Variants in SREK1 observed in about 807,000 individuals in gnomAD.
SREK1 encodes splicing regulatory glutamic acid and lysine rich protein 1.
Under a neutral mutation model 66.5 loss-of-function variants are expected in SREK1, and 13 were observed. That is an observed-to-expected ratio of 0.20 (90% CI 0.13 to 0.31). The LOEUF (loss-of-function observed/expected upper bound fraction) is 0.31. Among genes scored for constraint, SREK1 ranks in the 10% least tolerant of loss-of-function variants. SREK1 has a pLI of 1.00. For synonymous variants in SREK1, 265 were observed against 263.5 expected, an observed-to-expected ratio of 1.01 and a Z score of -0.05; for missense variants, 607 against 769.6, an observed-to-expected ratio of 0.79 and a Z score of 2.50.
chr5:66,146,485 A>G (rs529367047), intron 1 of SREK1, among the ~76,000 whole-genome samples: 2 of 152,284 alleles, frequency 1.3e-5, no homozygotes, highest in Non-Finnish European at 2.9e-5. Context: ...ACTTAAACAT[A>G]TGGAAGATTA....
intron 2 of SREK1, among the ~76,000 whole-genome samples, chr5:66,155,590 A>G (rs1410262655): frequency 6.6e-6 from 1 of 152,236 alleles, no homozygotes; most frequent in Non-Finnish European, 1.5e-5. Context: ...TGCTGTAAGC[A>G]AGCAGTGTTC....
At chr5:66,163,483 G>T in intron 5 of SREK1, 1 of 213,096 alleles carries the variant, frequency 4.7e-6, no homozygotes, top group Non-Finnish European at 9.6e-6. Flanking sequence ...TTTTCATATT[G>T]GTATCAACAT....
At chr5:66,145,994 G>GTA (rs1165214704) in intron 1 of SREK1, among the ~76,000 whole-genome samples, 4 of 151,566 alleles carry the variant, frequency 2.6e-5, no homozygotes, top group African/African-American at 7.3e-5. Flanking sequence ...AGAGATATGT[G>GTA]TATATATATA....
chr5:66,162,183 G>C lies in SREK1; in HGVS notation c.486G>C (p.Glu162Asp). 1 of 1,614,088 alleles carries C rather than the reference G, an allele frequency of 6.2e-7. No homozygotes were observed. The highest frequency in any genetic ancestry group is 8.5e-7 in the Non-Finnish European group (1 of 1,179,980). The change falls in exon 4 of 12, where the codon GAG (glutamate) becomes GAC (aspartate). Residue 162 changes from glutamate (E) to aspartate (D), a missense_variant. By Grantham distance (45) the Glu-to-Asp change is conservative. Around this residue, in one of 5 missense-constraint regions of SREK1, gnomAD observed 99 missense variants for 186.6 expected, o/e 0.53. Coordinates refer to ENST00000334121, the MANE Select transcript of SREK1 (RefSeq NM_001077199.3). ...ACCCCAACATTGCAACACTTGGAGAGATACCACAGCCACCACTTATGGGAA... is the reference window on the plus strand; with the variant it reads ...ACCCCAACATTGCAACACTTGGAGACATACCACAGCCACCACTTATGGGAA... ...ALDPNIATLG[E>D]IPQPPLMGNV...
chr5:66,159,753 A>G (rs1561501483), intron 3 of SREK1, among the ~76,000 whole-genome samples: 1 of 152,234 alleles, frequency 6.6e-6, no homozygotes, highest in African/African-American at 2.4e-5. Flanking sequence ...AGGTGAAAAC[A>G]TGGCAAAATA....
intron 1 of SREK1, among the ~76,000 whole-genome samples, chr5:66,145,848 TTAATC>T (rs1743146407): frequency 6.6e-6 from 1 of 150,424 alleles, no homozygotes; most frequent in South Asian, 2.1e-4. Context: ...GTTATCTCCT[TTAATC>T]TAGGACAGTC....
intron 1 of SREK1, among the ~76,000 whole-genome samples, chr5:66,147,797 AAT>A (rs1314599897): frequency 1.3e-5 from 2 of 152,196 alleles, no homozygotes; most frequent in Admixed American, 6.5e-5. Context: ...TGCGTTAATA[AAT>A]ATTGGACATA....
Position 66,183,399 on chromosome 5 carries a change from T to C in SREK1, c.*4531T>C, listed in dbSNP as rs1309765087. ...TGAGTATACTGTGTAGCTGTGTAGA[T>C]CAACTTAATGCTTAAAAAATTACCT... On this transcript the variant is annotated 3_prime_UTR_variant, in exon 12 of 12. Transcript: ENST00000334121. The C allele has an allele frequency of 6.6e-6, 1 of 152,098 alleles. No homozygotes were observed. Among genetic ancestry groups the C allele is most frequent in the Non-Finnish European group, 1.5e-5 (1 of 67,990 alleles). 9.4% of individuals were successfully genotyped at this position (152,098 alleles called of 1,614,324 possible). A position where few individuals can be genotyped will look rare whatever the true frequency, so the allele number is the denominator to read the frequency against.
At chr5:66,172,411 T>G (rs1293039447) in intron 9 of SREK1, among the ~76,000 whole-genome samples, 2 of 152,232 alleles carry the variant, frequency 1.3e-5, no homozygotes, top group Non-Finnish European at 2.9e-5. Flanking sequence ...TGTATATATT[T>G]TTTGAAACAG....
chr5:66,154,248 A>G (rs1005773021), intron 2 of SREK1, among the ~76,000 whole-genome samples: 1 of 152,216 alleles, frequency 6.6e-6, no homozygotes, highest in African/African-American at 2.4e-5. Context: ...TAAAGTATCC[A>G]TTAAATTTTA....
chr5:66,175,067 T>C (rs748500629), intron 10 of SREK1, 26 bp downstream of exon 10: 3 of 1,552,574 alleles, frequency 1.9e-6, no homozygotes, highest in Non-Finnish European at 2.6e-6. Flanking sequence ...GTGCTAAAAC[T>C]AAACAGGAGA....
intron 7 of SREK1, chr5:66,169,697 AC>A (rs1375030417): frequency 6.5e-6 from 1 of 154,694 alleles, no homozygotes; most frequent in Admixed American, 6.5e-5. Context: ...GCACACATTC[AC>A]AGGAACTACT....
chr5:66,167,050 T>C (rs1745235323), intron 7 of SREK1: 2 of 152,158 alleles, frequency 1.3e-5, no homozygotes, highest in South Asian at 4.1e-4. Flanking sequence ...CCTGACCTAT[T>C]AGACTTAGCA....
chr5:66,174,989 A>G lies in SREK1; in HGVS notation c.1528A>G (p.Arg510Gly), dbSNP rs1454086001. 5 of 1,613,000 alleles carry G rather than the reference A, an allele frequency of 3.1e-6. No individual in the cohort carries two copies. The highest frequency in any genetic ancestry group is 4.5e-5 in the East Asian group (2 of 44,872). The change falls in exon 10 of 12, where the codon AGA (arginine) becomes GGA (glycine). Residue 510 changes from arginine to glycine, a missense_variant. Transcript: ENST00000334121. ...GAGCAGGAGTTCTTCCAGATCGCCA[A>G]GAACATCAAAAACCATAAAAAGGAA... ...RRSRSSSRSPRTSKTIKRKSS... is the reference protein window; with the variant it reads ...RRSRSSSRSPGTSKTIKRKSS...
chr5:66,144,349 G>A lies in SREK1; in HGVS notation c.-28G>A, dbSNP rs1742956137. 1 of 1,508,616 alleles carries A rather than the reference G, an allele frequency of 6.6e-7. No homozygotes were observed. The highest frequency in any genetic ancestry group is 2.0e-5 in the Admixed American group (1 of 48,852). 93.5% of individuals were successfully genotyped at this position (1,508,616 alleles called of 1,614,324 possible). ...GCTGACGCGTCGTAGACGTTGGGGA[G>A]CGGGAAGGCAACGGCAGCGGGATCG... is the stretch of plus-strand genomic sequence containing the variant. On this transcript the variant is annotated 5_prime_UTR_variant, in exon 1 of 12. Coordinates refer to ENST00000334121, the MANE Select transcript of SREK1 (RefSeq NM_001077199.3).
At chr5:66,178,289 A>G (rs1746232983) in intron 11 of SREK1, among the ~76,000 whole-genome samples, 1 of 152,046 alleles carries the variant, frequency 6.6e-6, no homozygotes, top group African/African-American at 2.4e-5. Flanking sequence ...ACTCTTTTAA[A>G]TTGAGGGTAG....
At chr5:66,170,481 G>A (rs971155407) in intron 8 of SREK1, 104 bp from the exon 9 acceptor site, 61 of 1,350,968 alleles carry the variant, frequency 4.5e-5, no homozygotes, top group Admixed American at 3.2e-4. Context: ...ATGTCTGTAG[G>A]TACTATAAAT....
Position 66,175,002 on chromosome 5 carries a change from C to T in SREK1, c.1541C>T (p.Thr514Ile). 3 of 1,612,500 alleles carry T rather than the reference C, an allele frequency of 1.9e-6. No homozygotes were observed. The highest frequency in any genetic ancestry group is 1.7e-6 in the Non-Finnish European group (2 of 1,179,152). ...TCCAGATCGCCAAGAACATCAAAAACCATAAAAAGGAAATCTTCTAGATCT... is the reference window on the plus strand; with the variant it reads ...TCCAGATCGCCAAGAACATCAAAAATCATAAAAAGGAAATCTTCTAGATCT... ...SSSRSPRTSK[T>I]IKRKSSRSPS... Residue 514 changes from threonine (T) to isoleucine (I), a missense_variant, in exon 10 of 12, where the codon ACC becomes ATC. Physicochemically the swap from Thr to Ile is moderately conservative, Grantham distance 89 (BLOSUM62 -1). Around this residue, in one of 5 missense-constraint regions of SREK1, gnomAD observed 318 missense variants for 310.3 expected, o/e 1.02. Coordinates refer to ENST00000334121, the MANE Select transcript of SREK1 (RefSeq NM_001077199.3).
At chr5:66,157,067 A>G in intron 2 of SREK1, 1 of 978,250 alleles carries the variant, frequency 1.0e-6, no homozygotes, top group Non-Finnish European at 1.2e-6. Flanking sequence ...TTCTTAAAGT[A>G]CTTTTGCCAT....
Sources: gnomAD v4.1 joint callset for allele counts (sites outside exome capture counted in the v4.1 genomes callset) on GRCh38, gnomAD v4.1.1 for gene constraint, gnomAD v4.1.1 regional missense constraint, MANE v1.5 for transcripts, NCBI Gene and HGNC (gene_info 2026-07-23, HGNC 2026-07-21) for gene names.